MMP26: variants seen among roughly 807,000 people sequenced by gnomAD.
The protein encoded by MMP26 is matrix metalloproteinase-26.
Under a neutral mutation model 31.0 loss-of-function variants are expected in MMP26, and 33 were observed. That is an observed-to-expected ratio of 1.06 (90% CI 0.81 to 1.42). The LOEUF (loss-of-function observed/expected upper bound fraction) is 1.42, where lower values mean the gene tolerates loss of function less well. MMP26 is among the 40% of genes most tolerant of loss of function. MMP26 has a pLI of 0.00. For missense variants in MMP26, 347 were observed against 316.1 expected, an observed-to-expected ratio of 1.10 and a Z score of -0.74; for synonymous variants, 122 against 114.9, an observed-to-expected ratio of 1.06 and a Z score of -0.40.
At chr11:4,893,762 A>C (rs191663501) in intron 2 of MMP26, among the ~76,000 whole-genome samples, 2 of 152,238 alleles carry the variant, frequency 1.3e-5, no homozygotes, top group East Asian at 3.9e-4. Flanking sequence ...TTTTGGTATA[A>C]TGAGATCAAT....
At chr11:4,830,520 C>A (rs114146494) in intron 2 of MMP26, among the ~76,000 whole-genome samples, 1 of 152,088 alleles carries the variant, frequency 6.6e-6, no homozygotes, top group Non-Finnish European at 1.5e-5. Flanking sequence ...ATTGAGTTAC[C>A]TGAGTTACAC....
intron 2 of MMP26, among the ~76,000 whole-genome samples, chr11:4,792,250 C>T (rs1360876719): frequency 6.6e-6 from 1 of 151,250 alleles, no homozygotes; most frequent in African/African-American, 2.4e-5. Context: ...AAGACAGACA[C>T]AACCTGAAAG....
intron 2 of MMP26, chr11:4,859,740 C>A (rs1357929498): frequency 2.1e-6 from 1 of 471,044 alleles, no homozygotes; most frequent in Non-Finnish European, 4.4e-6. Context: ...TGACCATGTG[C>A]ACTACTGGTG....
At chr11:4,907,927 G>A in intron 2 of MMP26, 1 of 1,614,096 alleles carries the variant, frequency 6.2e-7, no homozygotes, top group South Asian at 1.1e-5. Flanking sequence ...ATACCATGAA[G>A]CTGGCCTGCT....
intron 2 of MMP26, among the ~76,000 whole-genome samples, chr11:4,881,602 A>G (rs1329317610): frequency 6.6e-6 from 1 of 152,156 alleles, no homozygotes; most frequent in Admixed American, 6.6e-5. Flanking sequence ...AGGAAATTAC[A>G]ACATTCAGCT....
chr11:4,907,466 C>A, intron 2 of MMP26: 1 of 1,613,936 alleles, frequency 6.2e-7, no homozygotes, highest in Non-Finnish European at 8.5e-7. Context: ...CCCCATTTGC[C>A]TCATGTACCT....
At chr11:4,710,348 G>T in intron 1 of MMP26, 1 of 456,824 alleles carries the variant, frequency 2.2e-6, no homozygotes, top group South Asian at 1.5e-5. Flanking sequence ...TGATCAGTTT[G>T]TCACCAGTGC....
rs563893076 is a variant in MMP26 at position 4,756,558 on chromosome 11, A to G, written c.-216-10712A>G. 2.0e-5 allele frequency: 3 copies of G among 152,228 alleles called. No homozygotes were observed. The East Asian group carries it at 5.8e-4, about 29-fold the overall frequency. The allele number at this position is 152,228 out of a possible 1,614,324, so 9.4% of individuals were successfully genotyped here. A position where few individuals can be genotyped will look rare whatever the true frequency, so the allele number is the denominator to read the frequency against. On this transcript the variant is annotated intron_variant, in intron 1 of 7. Coordinates refer to ENST00000380390, the MANE Select transcript of MMP26 (RefSeq NM_021801.5). Reference sequence around the variant, plus strand: ...AAGAAATGGAAATTAAGCCGGTTTTACAAAAAAATTAAAATATTAAAAAAG... The same window carrying G: ...AAGAAATGGAAATTAAGCCGGTTTTGCAAAAAAATTAAAATATTAAAAAAG...
rs77018497 is a variant in MMP26 at position 4,755,141 on chromosome 11, T to C, written c.-216-12129T>C. On this transcript the variant is annotated intron_variant, in intron 1 of 7. Coordinates refer to ENST00000380390, the MANE Select transcript of MMP26 (RefSeq NM_021801.5). ...ATGTCGCTATCAGTTTTTTCTAAGA[T>C]GTAAAGTAGACTTGCATTTTAAAGT... Among the ~76,000 whole-genome samples, 1,117 of 152,104 alleles carry C rather than the reference T, an allele frequency of 7.3e-3. 16 individuals are homozygous for C. Among genetic ancestry groups the C allele is most frequent in the African/African-American group, 0.026 (1,060 of 41,550 alleles).
intron 1 of MMP26, among the ~76,000 whole-genome samples, chr11:4,732,876 A>G (rs968559628): frequency 3.3e-5 from 5 of 152,172 alleles, no homozygotes; most frequent in African/African-American, 1.2e-4. Flanking sequence ...GTTGGTGGAA[A>G]TTTGGGCGGC....
At chr11:4,895,809 A>G (rs1218176834) in intron 2 of MMP26, among the ~76,000 whole-genome samples, 1 of 152,214 alleles carries the variant, frequency 6.6e-6, no homozygotes, top group Non-Finnish European at 1.5e-5. Flanking sequence ...GACTGACTAT[A>G]GTCCTAGCTA....
chr11:4,879,836 A>C (rs1850433288), intron 2 of MMP26, among the ~76,000 whole-genome samples: 1 of 152,122 alleles, frequency 6.6e-6, no homozygotes, highest in African/African-American at 2.4e-5. Flanking sequence ...CCTCTTAGGA[A>C]GAGGATATAT....
chr11:4,749,434 C>A (rs931897530), intron 1 of MMP26, among the ~76,000 whole-genome samples: 1 of 151,310 alleles, frequency 6.6e-6, no homozygotes, highest in Non-Finnish European at 1.5e-5. Flanking sequence ...AAAAAAAAAT[C>A]TAAAATTCTT....
intron 1 of MMP26, among the ~76,000 whole-genome samples, chr11:4,740,223 A>G (rs1362797009): frequency 6.6e-6 from 1 of 152,206 alleles, no homozygotes; most frequent in Non-Finnish European, 1.5e-5. Flanking sequence ...TAACAGTTAT[A>G]CATATTAGAA....
At chr11:4,915,548 A>T in intron 2 of MMP26, 1 of 1,614,116 alleles carries the variant, frequency 6.2e-7, no homozygotes, top group South Asian at 1.1e-5. Flanking sequence ...AACCAGATAC[A>T]TGAAGCACAG....
chr11:4,923,160 G>A (rs1204067673), intron 2 of MMP26, among the ~76,000 whole-genome samples: 1 of 152,280 alleles, frequency 6.6e-6, no homozygotes, highest in South Asian at 2.1e-4. Context: ...CTATGAGGAA[G>A]GAAGGTATTA....
Position 4,988,159 on chromosome 11 carries a change from G to A in MMP26, c.-53G>A. ...TTGCTGGCACAGCTATAAAGATCCA[G>A]TGGCCCAAGTTGTGTACCTGAATTC... On this transcript the variant is annotated 5_prime_UTR_variant, in exon 3 of 8. The change creates a new upstream start codon in the 5' untranslated region. Transcript: ENST00000380390. 1.3e-6 allele frequency: 2 copies of A among 1,507,930 alleles called. No individual in the cohort carries two copies. The highest frequency in any genetic ancestry group is 1.8e-6 in the Non-Finnish European group (2 of 1,083,430). The allele number at this position is 1,507,930 out of a possible 1,614,324, so 93.4% of individuals were successfully genotyped here.
chr11:4,822,392 G>C (rs1849522521), intron 2 of MMP26: 1 of 1,446,184 alleles, frequency 6.9e-7, no homozygotes, highest in African/African-American at 1.4e-5. Flanking sequence ...TTTCTGATTA[G>C]AGATAAAGCC....
chr11:4,986,856 A>C (rs1172516326), intron 2 of MMP26, among the ~76,000 whole-genome samples: 1 of 143,192 alleles, frequency 7.0e-6, no homozygotes, highest in Non-Finnish European at 1.5e-5. Flanking sequence ...TTTAAGTAGC[A>C]GAGTTAGGAC....
Sources: gnomAD v4.1 joint callset for allele counts (sites outside exome capture counted in the v4.1 genomes callset) on GRCh38, gnomAD v4.1.1 for gene constraint, MANE v1.5 for transcripts, NCBI Gene and HGNC (gene_info 2026-07-23, HGNC 2026-07-21) for gene names.